TFDP2: variants seen among roughly 807,000 people sequenced by gnomAD.
TFDP2 encodes transcription factor Dp-2 (E2F dimerization partner 2).
TFDP2 carries 17 observed loss-of-function variants against 59.3 expected under a neutral mutation model. That is an observed-to-expected ratio of 0.29 (90% CI 0.20 to 0.43). The LOEUF is 0.43. Ranked by LOEUF, TFDP2 falls within the 20% of genes least tolerant of loss-of-function variation. The pLI, the probability that TFDP2 is intolerant of heterozygous loss-of-function variation, is 1.00. For missense variants in TFDP2, 391 were observed against 528.8 expected, an observed-to-expected ratio of 0.74 and a Z score of 2.56; for synonymous variants, 180 against 194.7, an observed-to-expected ratio of 0.92 and a Z score of 0.63.
intron 1 of TFDP2, among the ~76,000 whole-genome samples, chr3:142,142,407 C>T (rs1338494713): frequency 6.6e-6 from 1 of 152,110 alleles, no homozygotes; most frequent in African/African-American, 2.4e-5. Flanking sequence ...AGTGAAAGAT[C>T]TCTGTAATGA....
intron 3 of TFDP2, among the ~76,000 whole-genome samples, chr3:142,081,766 A>C (rs752226578): frequency 1.1e-4 from 17 of 152,222 alleles, no homozygotes; most frequent in Non-Finnish European, 2.1e-4. Flanking sequence ...ACAACCTACC[A>C]ACACTGAACC....
chr3:141,965,127 C>G (rs936622393), intron 9 of TFDP2, among the ~76,000 whole-genome samples: 1 of 149,920 alleles, frequency 6.7e-6, no homozygotes, highest in Non-Finnish European at 1.5e-5. Flanking sequence ...AATTTCACAG[C>G]TAGAAAGACT....
intron 1 of TFDP2, among the ~76,000 whole-genome samples, chr3:142,148,659 A>C (rs2063264590): frequency 6.6e-6 from 1 of 152,194 alleles, no homozygotes; most frequent in East Asian, 1.9e-4. Context: ...CTTCTTTGTG[A>C]AGACAGACCT....
intron 3 of TFDP2, among the ~76,000 whole-genome samples, chr3:142,011,642 A>AC (rs1276560361): frequency 3.3e-5 from 5 of 151,596 alleles, no homozygotes; most frequent in African/African-American, 1.2e-4. Flanking sequence ...GAAAAAAAAA[A>AC]AACAACAAAC....
At chr3:142,026,550 G>C (rs956335852) in intron 3 of TFDP2, among the ~76,000 whole-genome samples, 1 of 152,150 alleles carries the variant, frequency 6.6e-6, no homozygotes, top group African/African-American at 2.4e-5. Context: ...GAATTTTCCA[G>C]TGTAGGGTAT....
chr3:142,124,728 T>A (rs2062175777), intron 1 of TFDP2, among the ~76,000 whole-genome samples: 1 of 152,190 alleles, frequency 6.6e-6, no homozygotes, highest in Non-Finnish European at 1.5e-5. Context: ...ATGCACATTT[T>A]TTTTTACATT....
At chr3:142,022,045 C>T (rs995859196) in intron 3 of TFDP2, among the ~76,000 whole-genome samples, 1 of 152,176 alleles carries the variant, frequency 6.6e-6, no homozygotes, top group African/African-American at 2.4e-5. Context: ...CTTCCACCTG[C>T]TCAACTAAAA....
intron 1 of TFDP2, among the ~76,000 whole-genome samples, chr3:142,102,226 T>A (rs964271957): frequency 6.6e-6 from 1 of 152,284 alleles, no homozygotes; most frequent in South Asian, 2.1e-4. Context: ...GATGGAGACA[T>A]GTCAAAAGTA....
intron 3 of TFDP2, among the ~76,000 whole-genome samples, chr3:142,039,575 C>A (rs980911527): frequency 6.6e-6 from 1 of 152,122 alleles, no homozygotes; most frequent in East Asian, 1.9e-4. Context: ...GGAGAGAATC[C>A]TCATTGGCCC....
chr3:142,139,421 G>A (rs552377070), intron 1 of TFDP2, among the ~76,000 whole-genome samples: 6 of 152,238 alleles, frequency 3.9e-5, no homozygotes, highest in African/African-American at 1.2e-4. Flanking sequence ...GATGTTAGCT[G>A]GTTATTTTGC....
intron 3 of TFDP2, among the ~76,000 whole-genome samples, chr3:142,072,080 A>G (rs1256768858): frequency 6.6e-6 from 1 of 152,230 alleles, no homozygotes; most frequent in East Asian, 1.9e-4. Context: ...TTTAGAAGAC[A>G]AAGGAAATCT....
At chr3:142,118,759 AAC>A (rs1336494433) in intron 1 of TFDP2, among the ~76,000 whole-genome samples, 1 of 152,222 alleles carries the variant, frequency 6.6e-6, no homozygotes, top group Non-Finnish European at 1.5e-5. Flanking sequence ...TTTTAAAAAA[AAC>A]AGAGAGAAAT....
chr3:142,019,645 A>ACAC (rs538845359), intron 3 of TFDP2, among the ~76,000 whole-genome samples: 2,352 of 51,024 alleles, frequency 0.046, 33 homozygotes, highest in Non-Finnish European at 0.06. Flanking sequence ...ATTATATTAA[A>ACAC]CACCCCCCCC....
At chr3:141,977,712 A>AC (rs1940906733) in intron 7 of TFDP2, among the ~76,000 whole-genome samples, 1 of 149,942 alleles carries the variant, frequency 6.7e-6, no homozygotes, top group Admixed American at 6.7e-5. Flanking sequence ...TAGGCGACCA[A>AC]TTTTTTTTTT....
chr3:142,088,221 T>C (rs2060869047), intron 3 of TFDP2, among the ~76,000 whole-genome samples: 1 of 152,244 alleles, frequency 6.6e-6, no homozygotes, highest in African/African-American at 2.4e-5. Flanking sequence ...TCTCATTTCT[T>C]GCCACAAAAC....
rs561615173 is a variant in TFDP2 at position 142,019,252 on chromosome 3, C to T, written c.83-13708G>A. Among the ~76,000 whole-genome samples, 13 of 151,974 alleles carry T rather than the reference C, an allele frequency of 8.6e-5. No homozygotes were observed. The East Asian group carries it at 1.4e-3, about 16-fold the overall frequency. ...ACTAATTTTGTATTTTTAGTAGAGA[C>T]GGGGTTTCACCGTGTTGCCCAGGCT... On this transcript the variant is annotated intron_variant, in intron 3 of 12. Coordinates refer to ENST00000489671, the MANE Select transcript of TFDP2 (RefSeq NM_001178139.2).
intron 3 of TFDP2, among the ~76,000 whole-genome samples, chr3:142,067,989 G>C (rs1353198094): frequency 7.0e-6 from 1 of 141,922 alleles, no homozygotes; most frequent in Non-Finnish European, 1.5e-5. Context: ...GAGTGACAGA[G>C]TAAGACTCTA....
intron 9 of TFDP2, among the ~76,000 whole-genome samples, chr3:141,967,303 T>A (rs1559934226): frequency 6.7e-6 from 1 of 149,986 alleles, no homozygotes; most frequent in East Asian, 2.0e-4. Flanking sequence ...TTGTTTTTTT[T>A]TTTTTTGAGA....
intron 7 of TFDP2, 125 bp downstream of exon 7, chr3:141,978,395 A>C: frequency 9.6e-7 from 1 of 1,044,192 alleles, no homozygotes; most frequent in Non-Finnish European, 1.3e-6. Flanking sequence ...ACAACAACAA[A>C]AAATCCCCCA....
Sources: gnomAD v4.1 joint callset for allele counts (sites outside exome capture counted in the v4.1 genomes callset) on GRCh38, gnomAD v4.1.1 for gene constraint, MANE v1.5 for transcripts, NCBI Gene and HGNC (gene_info 2026-07-23, HGNC 2026-07-21) for gene names.